Variants in ERN2 observed in about 807,000 individuals in gnomAD.
The protein encoded by ERN2 is serine/threonine-protein kinase/endoribonuclease IRE2.
In ERN2, 111 loss-of-function variants were observed where a neutral mutation model predicts 107.9. The ratio of observed to expected loss-of-function variants is 1.03; its 90% confidence interval spans 0.88 to 1.20. ERN2 has a LOEUF of 1.20. Among genes scored for constraint, ERN2 ranks in the 50% most tolerant of loss-of-function variants. The probability of loss-of-function intolerance (pLI) is 0.00; values close to 1 mark genes in which losing one functional copy is unlikely to be tolerated. For missense variants in ERN2, 1,225 were observed against 1,197.9 expected (o/e 1.02, Z -0.33); for synonymous variants, 524 against 501.7 (o/e 1.04, Z -0.59).
intron 1 of ERN2, 44 bp downstream of exon 1, chr16:23,713,051 C>T (rs1412854146): frequency 7.0e-7 from 1 of 1,423,786 alleles, no homozygotes; most frequent in Admixed American, 2.6e-5. Flanking sequence ...CCCTGCGCCC[C>T]GCGACCAGAC....
At chr16:23,692,118 T>C (rs1959622192) in intron 18 of ERN2, 28 bp from the exon 19 acceptor site, 1 of 1,612,652 alleles carries the variant, frequency 6.2e-7, no homozygotes, top group African/African-American at 1.3e-5. Context: ...AGGAGGAGAG[T>C]CTGCTTCAGG....
At chr16:23,701,232 T>C (rs1688146607) in intron 11 of ERN2, 118 bp from the exon 12 acceptor site, 1 of 1,072,324 alleles carries the variant, frequency 9.3e-7, no homozygotes, top group Admixed American at 2.7e-5. Context: ...GGTCTGTGTA[T>C]GGTGGGAAAC....
At chr16:23,692,461 C>T (rs1232353490) in intron 17 of ERN2, 130 bp from the exon 18 acceptor site, 4 of 894,874 alleles carry the variant, frequency 4.5e-6, no homozygotes, top group East Asian at 2.6e-5. Context: ...GCTTCCTGGG[C>T]AGCATCTCCT....
chr16:23,704,806 A>G (rs142639828), intron 8 of ERN2, 77 bp downstream of exon 8: 33 of 1,491,086 alleles, frequency 2.2e-5, no homozygotes, highest in Middle Eastern at 2.3e-4. Flanking sequence ...ACAGCTGAAC[A>G]TCTCGCCTGG....
At chr16:23,709,049 G>T in intron 4 of ERN2, 1 of 392,510 alleles carries the variant, frequency 2.5e-6, no homozygotes. Flanking sequence ...GACCTTGCCT[G>T]ATTGACACAC....
chr16:23,693,942 C>T (rs570027544), intron 17 of ERN2, among the ~76,000 whole-genome samples: 2 of 152,256 alleles, frequency 1.3e-5, no homozygotes, highest in South Asian at 4.1e-4. Flanking sequence ...ATAAAAATGA[C>T]CCAGGCAATT....
rs533719894 is a variant in ERN2, at chr16:23,690,658, G to T, written c.*173C>A. ...TTTTGTAGAAATGGGGTGTTGCCAT[G>T]TTGGCCAGGCTGGTCTCGAACTCCT... On this transcript the variant is annotated 3_prime_UTR_variant, in exon 22 of 22. Transcript: ENST00000256797. 10 of 617,542 alleles carry T rather than the reference G, an allele frequency of 1.6e-5. No homozygotes were observed. In the East Asian group the frequency reaches 2.8e-4, roughly 17 times the overall value. 38.3% of individuals were successfully genotyped at this position (617,542 alleles called of 1,614,324 possible).
chr16:23,702,260 T>A lies in ERN2; in HGVS notation c.1095A>T (p.Leu365=), dbSNP rs1960107647. The A allele has an allele frequency of 6.2e-7, 1 of 1,613,778 alleles. No homozygotes were observed. Among genetic ancestry groups the A allele is most frequent in the South Asian group, 1.1e-5 (1 of 91,078 alleles). ...GCATGGTGGTGTGCAGGACTGGGGG[T>A]AGCTCGTGGTGTCCTAAGGTGGGGG... is the stretch of plus-strand genomic sequence containing the variant. ...SQWLLIGHHE[L]PPVLHTTMLR... Residue 365 remains leucine, a synonymous_variant, in exon 11 of 22, where the codon CTA becomes CTT. Coordinates refer to ENST00000256797, the MANE Select transcript of ERN2 (RefSeq NM_033266.4).
intron 11 of ERN2, among the ~76,000 whole-genome samples, 181 bp downstream of exon 11, chr16:23,701,971 T>TAAC (rs1555467632): frequency 0.031 from 2,057 of 66,070 alleles, 31 homozygotes; most frequent in African/African-American, 0.048. Flanking sequence ...TTTCTGGCAG[T>TAAC]AACAACAACA....
chr16:23,695,501 G>A (rs1959778643), intron 14 of ERN2, 112 bp from the exon 15 acceptor site: 1 of 1,052,550 alleles, frequency 9.5e-7, no homozygotes, highest in Non-Finnish European at 1.4e-6. Context: ...CAAGGCGGGC[G>A]GGTCACTTGA....
At chr16:23,702,057 T>C in intron 11 of ERN2, 95 bp downstream of exon 11, 1 of 1,295,120 alleles carries the variant, frequency 7.7e-7, no homozygotes, top group Non-Finnish European at 1.1e-6. Flanking sequence ...CACCCCCGAG[T>C]GTTATTCTTA....
chr16:23,700,846 G>C, intron 12 of ERN2, 113 bp downstream of exon 12: 1 of 1,461,658 alleles, frequency 6.8e-7, no homozygotes, highest in Non-Finnish European at 9.2e-7. Flanking sequence ...CTGCTGGGAG[G>C]GAGGCAGGGG....
rs1252214895 is a variant in ERN2, at chr16:23,707,090, G to C, written c.307-11C>G. ...GGTGAATGGCAGTTTCTAGGAGACG[G>C]AAAATTTACAGGAAGGAGTAAGAGC... On this transcript the variant is annotated splice_polypyrimidine_tract_variant and intron_variant, in intron 4 of 21. Transcript: ENST00000256797. 1 of 1,609,798 alleles carries C rather than the reference G, an allele frequency of 6.2e-7. No homozygotes were observed. Among genetic ancestry groups the C allele is most frequent in the African/African-American group, 1.3e-5 (1 of 74,966 alleles).
chr16:23,694,787 GGATGCCGGA>G lies in ERN2; in HGVS notation c.2032_2040del (p.Ser678_Ile680del). 2 of 1,613,354 alleles carry G rather than the reference GGATGCCGGA, an allele frequency of 1.2e-6. No individual in the cohort carries two copies. The highest frequency in any genetic ancestry group is 2.2e-5 in the South Asian group (2 of 90,908). ...GGCGCCATCCAGCCTTCCGTGCCGG[GGATGCCGGA>G]GTGGAGGCTGAAGCTACAGCGGCCA... On this transcript the variant is annotated inframe_deletion, in exon 17 of 22. Transcript: ENST00000256797.
chr16:23,692,419 C>G (rs1959638709), intron 17 of ERN2, 88 bp from the exon 18 acceptor site: 3 of 1,464,552 alleles, frequency 2.0e-6, no homozygotes, highest in Middle Eastern at 2.3e-4. Context: ...GATAGAGCTG[C>G]CAGGGGTTTG....
chr16:23,695,073 C>A lies in ERN2; in HGVS notation c.1846G>T (p.Val616Phe). 1 of 1,613,864 alleles carries A rather than the reference C, an allele frequency of 6.2e-7. No homozygotes were observed. Among genetic ancestry groups the A allele is most frequent in the Non-Finnish European group, 8.5e-7 (1 of 1,179,930 alleles). The change falls in exon 16 of 22, where the codon GTC becomes TTC. Residue 616 changes from valine to phenylalanine, a missense_variant. By Grantham distance (50) the Val-to-Phe change is conservative. Transcript: ENST00000256797. ...CCAGACATCAGCTGCTGCAGCACGACCTCGGGCTCCAGACCCCCGCGATCC... is the reference window on the plus strand; with the variant it reads ...CCAGACATCAGCTGCTGCAGCACGAACTCGGGCTCCAGACCCCCGCGATCC... ...DLDRGGLEPE[V>F]VLQQLMSGLA... is the part of the protein sequence containing the mutation.
chr16:23,691,540 GGCGTGAA>G, intron 19 of ERN2, 115 bp from the exon 20 acceptor site: 1 of 1,266,760 alleles, frequency 7.9e-7, no homozygotes, highest in Non-Finnish European at 1.1e-6. Context: ...TGCCTCTGGG[GGCGTGAA>G]GCTTCTCTGT....
At chr16:23,703,478 TAGTATAA>T (rs1383312463) in intron 8 of ERN2, among the ~76,000 whole-genome samples, 2 of 152,364 alleles carry the variant, frequency 1.3e-5, no homozygotes, top group Middle Eastern at 3.4e-3. Context: ...GTTTCTGCTC[TAGTATAA>T]AGTATCTTCA....
rs551158438 is a variant in ERN2, at chr16:23,702,141, C to G, written c.1203+11G>C. 7.4e-6 allele frequency: 12 copies of G among 1,611,064 alleles called. No homozygotes were observed. In the Admixed American group the frequency reaches 1.7e-4, roughly 22 times the overall value. On this transcript the variant is annotated intron_variant, in intron 11 of 21. Coordinates refer to ENST00000256797, the MANE Select transcript of ERN2 (RefSeq NM_033266.4). ...CTCCCTACCCCCACTCTCTCCCCTC[C>G]CAGCACTGACCTCCAAGAAGAAGGC...
Sources: allele counts gnomAD v4.1 joint callset (sites outside exome capture counted in the v4.1 genomes callset), GRCh38; gene constraint gnomAD v4.1.1; transcripts MANE v1.5; gene names NCBI Gene and HGNC (gene_info 2026-07-23, HGNC 2026-07-21).